Variants in MAN1A1 observed in about 807,000 individuals in gnomAD.
MAN1A1 encodes the protein mannosidase alpha class 1A member 1.
A neutral mutation model predicts 70.8 loss-of-function variants in MAN1A1; 29 were observed. The ratio of observed to expected loss-of-function variants is 0.41; its 90% CI spans 0.31 to 0.56. The LOEUF (loss-of-function observed/expected upper bound fraction) is 0.56, where lower values mean the gene tolerates loss of function less well. MAN1A1 is among the 20% of genes least tolerant of loss of function. The pLI, the probability that MAN1A1 is intolerant of heterozygous loss-of-function variation, is 0.29. For missense variants in MAN1A1, 747 were observed against 841.3 expected (o/e 0.89, Z 1.39); for synonymous variants, 349 against 330.1 (o/e 1.06, Z -0.62).
intron 8 of MAN1A1, among the ~76,000 whole-genome samples, chr6:119,195,934 T>C (rs544155075): frequency 7.5e-4 from 114 of 152,334 alleles, no homozygotes; most frequent in African/African-American, 2.5e-3. Context: ...ACAAACTAAA[T>C]AGACTAAGTA....
At chr6:119,324,700 C>T (rs1024250608) in intron 2 of MAN1A1, among the ~76,000 whole-genome samples, 1 of 152,170 alleles carries the variant, frequency 6.6e-6, no homozygotes, top group African/African-American at 2.4e-5. Flanking sequence ...GAACTCAGAG[C>T]CCTATGGCTC....
chr6:119,308,018 AT>A (rs1490427864), intron 2 of MAN1A1, among the ~76,000 whole-genome samples: 1 of 152,186 alleles, frequency 6.6e-6, no homozygotes, highest in Non-Finnish European at 1.5e-5. Flanking sequence ...ACTCACCACT[AT>A]TACTACCAAC....
intron 5 of MAN1A1, among the ~76,000 whole-genome samples, chr6:119,266,178 C>T (rs1002589748): frequency 4.6e-5 from 7 of 152,112 alleles, no homozygotes; most frequent in Non-Finnish European, 1.0e-4. Context: ...CAGTTCTTCC[C>T]AACTTGGAAT....
intron 7 of MAN1A1, among the ~76,000 whole-genome samples, chr6:119,204,361 T>TGA (rs1466736645): frequency 5.9e-5 from 9 of 152,328 alleles, no homozygotes; most frequent in African/African-American, 2.2e-4. Flanking sequence ...ATCCAAATAT[T>TGA]TGGTTTGCTT....
rs149556313 is a variant in MAN1A1, at chr6:119,284,994, T to C, written c.897+5689A>G. On this transcript the variant is annotated intron_variant, in intron 5 of 12. Coordinates refer to ENST00000368468, the MANE Select transcript of MAN1A1 (RefSeq NM_005907.4). ...TTTTGGCTCATGGTTCTGCAGATGA[T>C]AGAAGCAGCATAATACCAGCATCTG... Among the ~76,000 whole-genome samples, 920 of 152,236 alleles carry C rather than the reference T, an allele frequency of 6.0e-3. 6 individuals are homozygous for C. Among genetic ancestry groups the C allele is most frequent in the African/African-American group, 0.021 (870 of 41,536 alleles).
intron 11 of MAN1A1, among the ~76,000 whole-genome samples, chr6:119,183,966 C>T (rs959095240): frequency 6.6e-6 from 1 of 151,726 alleles, no homozygotes; most frequent in South Asian, 2.1e-4. Context: ...TTAGAGAGGC[C>T]CAGTCACTTT....
At chr6:119,288,882 A>C (rs1410512043) in intron 5 of MAN1A1, among the ~76,000 whole-genome samples, 1 of 151,864 alleles carries the variant, frequency 6.6e-6, no homozygotes, top group African/African-American at 2.4e-5. Flanking sequence ...TACATGTAAT[A>C]AAAACATGTT....
At chr6:119,313,020 G>A (rs1409760553) in intron 2 of MAN1A1, among the ~76,000 whole-genome samples, 2 of 152,110 alleles carry the variant, frequency 1.3e-5, no homozygotes, top group East Asian at 3.9e-4. Flanking sequence ...CCTCCTCAGA[G>A]TCCTCCTAGG....
intron 6 of MAN1A1, among the ~76,000 whole-genome samples, chr6:119,231,198 G>A (rs1433486125): frequency 6.6e-6 from 1 of 152,172 alleles, no homozygotes; most frequent in African/African-American, 2.4e-5. Context: ...TATGTTTTGA[G>A]ACAATGAATC....
chr6:119,271,367 T>C (rs910398351), intron 5 of MAN1A1, among the ~76,000 whole-genome samples: 1 of 152,188 alleles, frequency 6.6e-6, no homozygotes, highest in Non-Finnish European at 1.5e-5. Flanking sequence ...CTCTAGGTAA[T>C]ACCTAATAAC....
intron 11 of MAN1A1, 91 bp from the exon 12 acceptor site, chr6:119,180,518 C>A (rs1773122983): frequency 1.1e-5 from 8 of 696,968 alleles, no homozygotes; most frequent in Non-Finnish European, 1.4e-5. Context: ...TCAGATAAAA[C>A]ATTTTTTTTT....
intron 7 of MAN1A1, among the ~76,000 whole-genome samples, chr6:119,201,940 T>C (rs566572827): frequency 6.6e-6 from 1 of 152,310 alleles, no homozygotes; most frequent in Admixed American, 6.5e-5. Context: ...CTCGCAGGAC[T>C]GGAAGTTGCA....
At chr6:119,303,604 T>C (rs1236425487) in intron 3 of MAN1A1, among the ~76,000 whole-genome samples, 1 of 152,172 alleles carries the variant, frequency 6.6e-6, no homozygotes, top group Non-Finnish European at 1.5e-5. Flanking sequence ...AACTGTATAC[T>C]TGGATCTAAT....
At chr6:119,285,437 T>G (rs914437003) in intron 5 of MAN1A1, among the ~76,000 whole-genome samples, 1 of 152,162 alleles carries the variant, frequency 6.6e-6, no homozygotes, top group Admixed American at 6.6e-5. Context: ...CATTTCAATA[T>G]GAGATTTGGA....
chr6:119,346,533 TAGAC>T (rs1302761782), intron 2 of MAN1A1, among the ~76,000 whole-genome samples: 1 of 152,356 alleles, frequency 6.6e-6, no homozygotes, highest in Admixed American at 6.5e-5. Context: ...GCTAAGATGT[TAGAC>T]AGAGACTACG....
chr6:119,217,232 G>A (rs1235627564), intron 6 of MAN1A1, among the ~76,000 whole-genome samples: 1 of 152,098 alleles, frequency 6.6e-6, no homozygotes, highest in Non-Finnish European at 1.5e-5. Context: ...GCTTTAACTT[G>A]CATTTATTTA....
chr6:119,323,919 T>A (rs1385507707), intron 2 of MAN1A1, among the ~76,000 whole-genome samples: 2 of 152,128 alleles, frequency 1.3e-5, no homozygotes, highest in African/African-American at 4.8e-5. Context: ...TATTCAGAAA[T>A]AAAAATAACA....
intron 6 of MAN1A1, among the ~76,000 whole-genome samples, chr6:119,246,418 T>C (rs1489573044): frequency 6.6e-6 from 1 of 152,194 alleles, no homozygotes; most frequent in Non-Finnish European, 1.5e-5. Context: ...GAGAGGCATA[T>C]GTTCATCGGA....
intron 5 of MAN1A1, among the ~76,000 whole-genome samples, chr6:119,288,241 T>C (rs568787548): frequency 1.3e-5 from 2 of 152,048 alleles, no homozygotes; most frequent in Non-Finnish European, 1.5e-5. Flanking sequence ...CTGATGGTGA[T>C]TTGTTCTTAA....
Sources: allele counts gnomAD v4.1 joint callset (sites outside exome capture counted in the v4.1 genomes callset), GRCh38; gene constraint gnomAD v4.1.1; transcripts MANE v1.5; gene names NCBI Gene and HGNC (gene_info 2026-07-23, HGNC 2026-07-21).